The following TRPV4 variants were observed in gnomAD, a reference collection of about 807,000 sequenced individuals.
TRPV4 encodes transient receptor potential cation channel subfamily V member 4.
In TRPV4, 58 loss-of-function variants were observed where a neutral mutation model predicts 84.1. That is an observed-to-expected ratio of 0.69 (90% CI 0.56 to 0.86). The LOEUF (loss-of-function observed/expected upper bound fraction) is 0.86. Ranked by LOEUF, TRPV4 falls within the 40% of genes least tolerant of loss-of-function variation. The pLI is 0.00. For synonymous variants in TRPV4, 489 were observed against 500.9 expected, an observed-to-expected ratio of 0.98 and a Z score of 0.32; for missense variants, 879 against 1,181.1, an observed-to-expected ratio of 0.74 and a Z score of 3.75.
rs140113824 is a variant in TRPV4, at chr12:109,809,448, TCATC to T, written c.387-984_387-981del. Among the ~76,000 whole-genome samples, 308 of 129,742 alleles carry T rather than the reference TCATC, an allele frequency of 2.4e-3. 3 individuals carry two copies. Among genetic ancestry groups the T allele is most frequent in the East Asian group, 0.011 (39 of 3,704 alleles). The allele number at this position is 129,742 out of a possible 152,430, so 85.1% of individuals were successfully genotyped here. A position where few individuals can be genotyped will look rare whatever the true frequency, so the allele number is the denominator to read the frequency against. ...CTGATCCATCCATCCATCCACCCAC[TCATC>T]CATCCATCCATCCATCCATCACTCA... On this transcript the variant is annotated intron_variant, in intron 2 of 15. Coordinates refer to ENST00000261740, the MANE Select transcript of TRPV4 (RefSeq NM_021625.5).
chr12:109,818,805 C>T (rs141686596), intron 1 of TRPV4, among the ~76,000 whole-genome samples: 1 of 152,306 alleles, frequency 6.6e-6, no homozygotes, highest in East Asian at 1.9e-4. Flanking sequence ...CCCCAAAACA[C>T]ACATGCACAC....
In TRPV4 at chr12:109,783,898, C is replaced by T. The variant is rs1184840992; in HGVS notation, c.2459-120G>A. The T allele has an allele frequency of 2.4e-6, 3 of 1,237,582 alleles. No individual in the cohort carries two copies. The highest frequency in any genetic ancestry group is 3.4e-6 in the Non-Finnish European group (3 of 884,538). The allele number at this position is 1,237,582 out of a possible 1,614,324, so 76.7% of individuals were successfully genotyped here. ...GTTCTGAAGGGGGGATGTGACTATG[C>T]TCATTTTACAGAGGTGGAAACTGGG... On this transcript the variant is annotated intron_variant, in intron 15 of 15. Coordinates refer to ENST00000261740, the MANE Select transcript of TRPV4 (RefSeq NM_021625.5). The surrounding 1 kb of genome is among the most constrained non-coding windows in gnomAD (Gnocchi z 4.6).
chr12:109,794,316 C>T lies in TRPV4; in HGVS notation c.1491+13G>A. On this transcript the variant is annotated intron_variant, in intron 8 of 15. Transcript: ENST00000261740. ...TGCCTGCCCCAGCCCCTGCCCGGTC[C>T]CCGGGCACTCACTGTGCCCTCCAGC... The T allele has an allele frequency of 6.2e-7, 1 of 1,610,792 alleles. No homozygotes were observed.
intron 1 of TRPV4, chr12:109,832,885 G>C (rs1341034721): frequency 6.9e-6 from 1 of 144,188 alleles, no homozygotes; most frequent in African/African-American, 2.6e-5. Context: ...GCCTCTTGGA[G>C]GAAACAGCCG....
At chr12:109,832,009 C>T (rs1168220865) in intron 1 of TRPV4, among the ~76,000 whole-genome samples, 1 of 152,208 alleles carries the variant, frequency 6.6e-6, no homozygotes, top group African/African-American at 2.4e-5. Flanking sequence ...TTTGGGGCAA[C>T]GACAACTGGT....
chr12:109,814,693 G>A lies in TRPV4; in HGVS notation c.104C>T (p.Ser35Phe). The A allele has an allele frequency of 6.2e-7, 1 of 1,610,786 alleles. No individual in the cohort carries two copies. Among genetic ancestry groups the A allele is most frequent in the South Asian group, 1.1e-5 (1 of 90,652 alleles). ...TPGGEAFPLS[S>F]LANLFEGEDG... ...CTCCCCCTCAAACAGATTGGCCAGG[G>A]AGGAGAGAGGAAAAGCCTCCCCACC... The change falls in exon 2 of 16, where the codon TCC becomes TTC. Residue 35 changes from serine (S) to phenylalanine (F), a missense_variant. By Grantham distance (155) the Ser-to-Phe change is radical (BLOSUM62 -2). Transcript: ENST00000261740. This position sits in a 1 kb window ranked among gnomAD's most constrained non-coding sequence, Gnocchi z 5.4.
intron 3 of TRPV4, among the ~76,000 whole-genome samples, chr12:109,803,529 C>T (rs1890942162): frequency 6.6e-6 from 1 of 152,122 alleles, no homozygotes; most frequent in Admixed American, 6.5e-5. Flanking sequence ...TAGCTCATTG[C>T]AGCCTCCGAT....
chr12:109,802,857 T>C (rs1404506355), intron 4 of TRPV4, 134 bp downstream of exon 4: 2 of 863,816 alleles, frequency 2.3e-6, no homozygotes, highest in African/African-American at 3.3e-5. Flanking sequence ...CATCCATCCA[T>C]CCATCCATCC....
rs1055438747 is a variant in TRPV4 at position 109,815,111 on chromosome 12, C to A, written c.-31-284G>T. Among the ~76,000 whole-genome samples, 1 of 152,196 alleles carries A rather than the reference C, an allele frequency of 6.6e-6. No individual in the cohort carries two copies. The highest frequency in any genetic ancestry group is 1.5e-5 in the Non-Finnish European group (1 of 68,036). On this transcript the variant is annotated intron_variant, in intron 1 of 15. Coordinates refer to ENST00000261740, the MANE Select transcript of TRPV4 (RefSeq NM_021625.5). This position sits in a 1 kb window ranked among gnomAD's most constrained non-coding sequence, Gnocchi z 4.1. ...GTGGACTTCAGGGTCAAGCTGGGAC[C>A]CCATACTTGGATCCCAGACCCTACT...
chr12:109,803,265 A>G, intron 3 of TRPV4, 122 bp from the exon 4 acceptor site: 1 of 1,208,060 alleles, frequency 8.3e-7, no homozygotes, highest in Non-Finnish European at 1.2e-6. Flanking sequence ...TCTCCTCTCC[A>G]AGCCTGTTTC....
intron 7 of TRPV4, among the ~76,000 whole-genome samples, chr12:109,794,878 C>A (rs1163881659): frequency 6.6e-6 from 1 of 152,094 alleles, no homozygotes; most frequent in African/African-American, 2.4e-5. Flanking sequence ...ATTAGCCGGG[C>A]GTGGTGGTGC....
chr12:109,830,578 GC>G lies in TRPV4; in HGVS notation c.-32+2771del, dbSNP rs1368382327. Among the ~76,000 whole-genome samples, 8 of 152,254 alleles carry G rather than the reference GC, an allele frequency of 5.3e-5. No individual in the cohort carries two copies. The South Asian group carries it at 1.7e-3, about 32-fold the overall frequency. On this transcript the variant is annotated intron_variant, in intron 1 of 15. Coordinates refer to ENST00000261740, the MANE Select transcript of TRPV4 (RefSeq NM_021625.5). ...TGGGCGATGTGGAGCATTCCAGAGG[GC>G]CCACTGGCATGAAATAAATGTTATC...
intron 1 of TRPV4, among the ~76,000 whole-genome samples, chr12:109,818,604 C>T (rs180853262): frequency 2.0e-5 from 3 of 152,256 alleles, no homozygotes; most frequent in Non-Finnish European, 4.4e-5. Flanking sequence ...CTCTGAGCCT[C>T]GGTTTCTCTA....
chr12:109,790,052 G>A (rs1310956032), intron 12 of TRPV4, among the ~76,000 whole-genome samples: 2 of 152,232 alleles, frequency 1.3e-5, no homozygotes, highest in Non-Finnish European at 2.9e-5. Context: ...TCCCTGACCT[G>A]AATCCCAAAC....
intron 4 of TRPV4, among the ~76,000 whole-genome samples, chr12:109,801,489 G>A (rs1565873407): frequency 6.6e-6 from 1 of 152,108 alleles, no homozygotes; most frequent in South Asian, 2.1e-4. Flanking sequence ...ACCATGTGAA[G>A]AAGGACATGT....
chr12:109,783,605 G>T lies in TRPV4; in HGVS notation c.*16C>A, dbSNP rs1372182947. 1 of 1,610,172 alleles carries T rather than the reference G, an allele frequency of 6.2e-7. No individual in the cohort carries two copies. The highest frequency in any genetic ancestry group is 8.5e-7 in the Non-Finnish European group (1 of 1,177,520). On this transcript the variant is annotated 3_prime_UTR_variant, in exon 16 of 16. Transcript: ENST00000261740. This position sits in a 1 kb window ranked among gnomAD's most constrained non-coding sequence, Gnocchi z 4.6. ...AGAAATGAGTGGGCAGAGAAGCTGG[G>T]GCTGGGCTGCAGTCCCTAGAGCGGG...
intron 1 of TRPV4, among the ~76,000 whole-genome samples, chr12:109,823,960 T>TGTGC (rs746567174): frequency 4.2e-4 from 64 of 151,334 alleles, no homozygotes; most frequent in African/African-American, 1.2e-3. Context: ...TGTGTGTGTG[T>TGTGC]GCGCATGTGT....
chr12:109,808,942 A>C (rs902039364), intron 2 of TRPV4, among the ~76,000 whole-genome samples: 1 of 147,194 alleles, frequency 6.8e-6, no homozygotes, highest in Non-Finnish European at 1.5e-5. Context: ...CCACCCATCC[A>C]TCCATCATTC....
Position 109,827,780 on chromosome 12 carries a change from A to AC in TRPV4, c.-32+5569_-32+5570insG, listed in dbSNP as rs1312674745. The stretch of plus-strand genomic sequence containing the variant: ...TACACACATACACACATATATACAC[A>AC]AACATACACATAAACATATAGTCAT... On this transcript the variant is annotated intron_variant, in intron 1 of 15. Transcript: ENST00000261740. 1.7e-4 allele frequency among the ~76,000 whole-genome samples: 24 copies of AC among 141,940 alleles called. 1 individual carries two copies. The highest frequency in any genetic ancestry group is 1.6e-5 in the Non-Finnish European group (1 of 64,052). 93.1% of individuals were successfully genotyped at this position (141,940 alleles called of 152,430 possible).
Sources: allele counts gnomAD v4.1 joint callset (sites outside exome capture counted in the v4.1 genomes callset), GRCh38; gene constraint gnomAD v4.1.1; non-coding constraint Gnocchi (gnomAD v3.1); transcripts MANE v1.5; gene names NCBI Gene and HGNC (gene_info 2026-07-23, HGNC 2026-07-21).